RHPN2: variants seen among roughly 807,000 people sequenced by gnomAD.
The protein encoded by RHPN2 is rhophilin-2.
Under a neutral mutation model 79.0 loss-of-function variants are expected in RHPN2, and 40 were observed. The observed-to-expected ratio is 0.51, with a 90% CI of 0.39 to 0.66. The LOEUF (loss-of-function observed/expected upper bound fraction) is 0.66. Ranked by LOEUF, RHPN2 falls within the 30% of genes least tolerant of loss-of-function variation. RHPN2 has a pLI of 0.00. For missense variants in RHPN2, 686 were observed against 883.5 expected (o/e 0.78, Z 2.83); for synonymous variants, 285 against 363.5 (o/e 0.78, Z 2.46).
rs368304665 is a variant in RHPN2, at chr19:33,044,263, C to T, written c.171G>A (p.Ala57=). 2.3e-5 allele frequency: 37 copies of T among 1,613,582 alleles called. No individual in the cohort carries two copies. The highest frequency in any genetic ancestry group is 6.7e-5 in the Admixed American group (4 of 59,948). ...ILKAVRMRTG[A]ENLLKVATNS... ...AAGACACCTACTTCAGAAGGTTTTC[C>T]GCTCCGGTCCTCATCCGCACGGCTT... The change falls in exon 2 of 15, where the codon GCG becomes GCA. Residue 57 remains alanine, a synonymous_variant. Transcript: ENST00000254260.
At chr19:33,064,411 C>G (rs930101732) in intron 1 of RHPN2, among the ~76,000 whole-genome samples, 2 of 152,114 alleles carry the variant, frequency 1.3e-5, no homozygotes, top group Non-Finnish European at 1.5e-5. Context: ...CGCCCAGAGG[C>G]CAAGGGCGCC....
chr19:33,052,301 G>A (rs946252367), intron 1 of RHPN2, among the ~76,000 whole-genome samples: 3 of 152,148 alleles, frequency 2.0e-5, no homozygotes, highest in Non-Finnish European at 1.5e-5. Context: ...CACAGCCAAA[G>A]ATAAAGCTCA....
At chr19:33,058,355 C>T (rs1301706255) in intron 1 of RHPN2, among the ~76,000 whole-genome samples, 1 of 152,208 alleles carries the variant, frequency 6.6e-6, no homozygotes, top group Non-Finnish European at 1.5e-5. Flanking sequence ...GCTGTCGCTC[C>T]ATAAATCCTT....
At chr19:33,063,758 G>GGCAGAAGTCCGTAGTGTGA (rs148591203) in intron 1 of RHPN2, among the ~76,000 whole-genome samples, 62,391 of 151,214 alleles carry the variant, frequency 0.41, 16,314 homozygotes, top group African/African-American at 0.73. Context: ...TTATCTTCTG[G>GGCAGAAGTCCGTAGTGTGA]GCCCAAGAGC....
intron 12 of RHPN2, among the ~76,000 whole-genome samples, chr19:32,992,373 C>T (rs546107339): frequency 6.6e-6 from 1 of 151,916 alleles, no homozygotes; most frequent in African/African-American, 2.4e-5. Flanking sequence ...GTATTTTTAG[C>T]AGAGATGGGG....
At chr19:33,041,659 G>A (rs1254422737) in intron 2 of RHPN2, among the ~76,000 whole-genome samples, 2 of 152,178 alleles carry the variant, frequency 1.3e-5, no homozygotes, top group Non-Finnish European at 2.9e-5. Context: ...GAAAGTCCAA[G>A]TTCCCTGCTC....
At chr19:32,981,683 CTTTTTTTCT>C (rs1447391032) in intron 14 of RHPN2, among the ~76,000 whole-genome samples, 11 of 130,484 alleles carry the variant, frequency 8.4e-5, no homozygotes, top group South Asian at 7.8e-4. Context: ...ACCTGATTTT[CTTTTTTTCT>C]TTTTTTTCTT....
At chr19:33,055,569 T>C (rs1281394094) in intron 1 of RHPN2, among the ~76,000 whole-genome samples, 1 of 151,962 alleles carries the variant, frequency 6.6e-6, no homozygotes, top group African/African-American at 2.4e-5. Flanking sequence ...CTGTTCCTGG[T>C]GGACTCAGCC....
In RHPN2 at chr19:32,991,621, TC is replaced by T. The variant is rs71340511; in HGVS notation, c.1644+201del. 2.6e-5 allele frequency among the ~76,000 whole-genome samples: 4 copies of T among 151,566 alleles called. No homozygotes were observed. The South Asian group carries it at 8.3e-4, about 32-fold the overall frequency. The stretch of plus-strand genomic sequence containing the variant: ...TGCACGATCGCGACTCACTGCAGCC[TC>T]CACCTCCCAAAGTCTAAAAAAAACT... On this transcript the variant is annotated intron_variant, in intron 13 of 14. Transcript: ENST00000254260.
intron 1 of RHPN2, among the ~76,000 whole-genome samples, chr19:33,060,211 A>G (rs1430653889): frequency 6.6e-6 from 1 of 152,022 alleles, no homozygotes; most frequent in Non-Finnish European, 1.5e-5. Flanking sequence ...CAGTGGCGTG[A>G]TCTCGGCTCA....
intron 2 of RHPN2, among the ~76,000 whole-genome samples, chr19:33,029,526 A>AG (rs542619571): frequency 0.016 from 2,039 of 129,468 alleles, 35 homozygotes; most frequent in African/African-American, 0.042. Context: ...ACTCTATCTC[A>AG]GAAAAAAAAA....
intron 1 of RHPN2, among the ~76,000 whole-genome samples, chr19:33,048,369 T>C (rs542443707): frequency 5.9e-5 from 9 of 152,178 alleles, no homozygotes; most frequent in Admixed American, 5.9e-4. Context: ...GAATGGATTT[T>C]AAAATTAATA....
Position 33,002,804 on chromosome 19 carries a change from G to A in RHPN2, c.948+9C>T, listed in dbSNP as rs1971760274. ...ACTCCCCAAAGTCACAGGAACCAGGGAGTCCTACCTTAGCAGCCTCCTGAG... is the reference window on the plus strand; with the variant it reads ...ACTCCCCAAAGTCACAGGAACCAGGAAGTCCTACCTTAGCAGCCTCCTGAG... On this transcript the variant is annotated intron_variant, in intron 8 of 14. Coordinates refer to ENST00000254260, the MANE Select transcript of RHPN2 (RefSeq NM_033103.5). The A allele has an allele frequency of 1.9e-6, 3 of 1,613,506 alleles. No homozygotes were observed. Among genetic ancestry groups the A allele is most frequent in the African/African-American group, 2.7e-5 (2 of 74,898 alleles).
At chr19:33,038,721 G>A (rs970298292) in intron 2 of RHPN2, among the ~76,000 whole-genome samples, 40 of 152,110 alleles carry the variant, frequency 2.6e-4, no homozygotes, top group African/African-American at 7.5e-4. Context: ...GCAATGGCGC[G>A]ATCTCGGCTC....
intron 2 of RHPN2, among the ~76,000 whole-genome samples, chr19:33,030,660 T>C (rs1001551478): frequency 5.9e-5 from 9 of 152,152 alleles, no homozygotes; most frequent in Non-Finnish European, 1.3e-4. Context: ...CACAGACACA[T>C]GCCCCTGCAA....
intron 14 of RHPN2, among the ~76,000 whole-genome samples, chr19:32,983,240 T>C (rs145259000): frequency 0.017 from 2,639 of 151,776 alleles, 72 homozygotes; most frequent in African/African-American, 0.052. Context: ...TGGCGGGGCG[T>C]GGTGGCTCAC....
intron 1 of RHPN2, among the ~76,000 whole-genome samples, chr19:33,046,378 G>C (rs2145264824): frequency 6.6e-6 from 1 of 152,146 alleles, no homozygotes; most frequent in Middle Eastern, 3.4e-3. Flanking sequence ...CGATTCTCCT[G>C]CTTCAGCCTC....
At chr19:33,013,645 G>A (rs1396320939) in intron 4 of RHPN2, among the ~76,000 whole-genome samples, 1 of 152,028 alleles carries the variant, frequency 6.6e-6, no homozygotes, top group African/African-American at 2.4e-5. Flanking sequence ...TTGAGCCCAG[G>A]AGTTCGAGAC....
intron 1 of RHPN2, among the ~76,000 whole-genome samples, chr19:33,054,361 C>T (rs1211758951): frequency 4.0e-5 from 6 of 151,772 alleles, no homozygotes; most frequent in African/African-American, 9.7e-5. Flanking sequence ...GCACCACACC[C>T]GACTAATTTT....
Sources: allele counts gnomAD v4.1 joint callset (sites outside exome capture counted in the v4.1 genomes callset), GRCh38; gene constraint gnomAD v4.1.1; transcripts MANE v1.5; gene names NCBI Gene and HGNC (gene_info 2026-07-23, HGNC 2026-07-21).